CNTN3: variants seen among roughly 807,000 people sequenced by gnomAD.
CNTN3 encodes the protein contactin-3.
In CNTN3, 60 loss-of-function variants were observed where a neutral mutation model predicts 119.1. The observed-to-expected ratio is 0.50, with a 90% CI of 0.41 to 0.62. The LOEUF is 0.62. Ranked by LOEUF, CNTN3 falls within the 20% of genes least tolerant of loss-of-function variation. The pLI, the probability that CNTN3 is intolerant of heterozygous loss-of-function variation, is 0.00. For synonymous variants in CNTN3, 450 were observed against 438.7 expected (o/e 1.03, Z -0.32); for missense variants, 1,101 against 1,242.4 (o/e 0.89, Z 1.71).
At chr3:74,285,792 T>TAG (rs1390012289) in intron 19 of CNTN3, among the ~76,000 whole-genome samples, 15 of 23,714 alleles carry the variant, frequency 6.3e-4, no homozygotes, top group African/African-American at 3.3e-3. Flanking sequence ...GAAGGGGAGA[T>TAG]ATATATATAT....
chr3:74,443,907 A>C (rs746513843), intron 4 of CNTN3, among the ~76,000 whole-genome samples: 5 of 152,054 alleles, frequency 3.3e-5, no homozygotes, highest in Non-Finnish European at 5.9e-5. Flanking sequence ...TTAAAAAAAA[A>C]CAGAAATGTA....
chr3:74,278,455 A>C (rs1701926026), intron 20 of CNTN3, among the ~76,000 whole-genome samples: 1 of 152,152 alleles, frequency 6.6e-6, no homozygotes, highest in Non-Finnish European at 1.5e-5. Context: ...GTAAACCCAA[A>C]TACTTACAGC....
chr3:74,454,454 A>G (rs1213614896), intron 4 of CNTN3, among the ~76,000 whole-genome samples: 6 of 151,358 alleles, frequency 4.0e-5, no homozygotes, highest in African/African-American at 9.7e-5. Flanking sequence ...ATGGGTCTTG[A>G]CTCTTTATCC....
intron 1 of CNTN3, among the ~76,000 whole-genome samples, chr3:74,560,674 G>T (rs1274349897): frequency 2.0e-5 from 3 of 152,012 alleles, no homozygotes; most frequent in African/African-American, 7.2e-5. Context: ...CCATTACTGG[G>T]TATATACCCA....
At chr3:74,381,572 A>G (rs916835103) in intron 5 of CNTN3, among the ~76,000 whole-genome samples, 2 of 152,158 alleles carry the variant, frequency 1.3e-5, no homozygotes, top group African/African-American at 4.8e-5. Context: ...GTGATAGAAA[A>G]GAGTAATAAA....
chr3:74,603,244 A>C (rs1704940206), intron 1 of CNTN3, among the ~76,000 whole-genome samples: 1 of 152,178 alleles, frequency 6.6e-6, no homozygotes. Flanking sequence ...ACCTTGGCTG[A>C]GACAGTTCCC....
chr3:74,380,661 C>T (rs1704592768), intron 5 of CNTN3, among the ~76,000 whole-genome samples: 1 of 152,264 alleles, frequency 6.6e-6, no homozygotes, highest in Non-Finnish European at 1.5e-5. Context: ...TTTATCATTC[C>T]CACACCAACT....
At chr3:74,278,150 C>A (rs151263238) in intron 20 of CNTN3, among the ~76,000 whole-genome samples, 1 of 151,816 alleles carries the variant, frequency 6.6e-6, no homozygotes, top group Non-Finnish European at 1.5e-5. Context: ...CCCATGCTCA[C>A]GGATGGGTAG....
At chr3:74,370,731 C>T (rs563951515) in intron 6 of CNTN3, among the ~76,000 whole-genome samples, 2 of 152,220 alleles carry the variant, frequency 1.3e-5, no homozygotes, top group African/African-American at 4.8e-5. Flanking sequence ...CTTAAACAGC[C>T]ATCAAGGTGT....
Position 74,479,645 on chromosome 3 carries a change from G to A in CNTN3, c.358+6811C>T, listed in dbSNP as rs553977927. Among the ~76,000 whole-genome samples, 4 of 152,108 alleles carry A rather than the reference G, an allele frequency of 2.6e-5. No individual in the cohort carries two copies. The East Asian group carries it at 7.8e-4, about 29-fold the overall frequency. On this transcript the variant is annotated intron_variant, in intron 4 of 22. Transcript: ENST00000263665. ...GGAGGACATGACACCCTAAAACAAT[G>A]AACACCAAGAAAGACGAAGATGTGG...
chr3:74,479,726 A>G (rs1331851094), intron 4 of CNTN3, among the ~76,000 whole-genome samples: 3 of 151,970 alleles, frequency 2.0e-5, no homozygotes, highest in Non-Finnish European at 4.4e-5. Flanking sequence ...CATTAGAGTG[A>G]GTGATGGTGA....
At chr3:74,437,297 C>T (rs912364978) in intron 4 of CNTN3, among the ~76,000 whole-genome samples, 1 of 151,968 alleles carries the variant, frequency 6.6e-6, no homozygotes, top group African/African-American at 2.4e-5. Flanking sequence ...CCCGTCTCTA[C>T]TAAAAATACA....
intron 1 of CNTN3, among the ~76,000 whole-genome samples, chr3:74,613,270 T>C (rs970222570): frequency 1.7e-5 from 2 of 118,604 alleles, no homozygotes; most frequent in Admixed American, 1.7e-4. Context: ...GTCTTCCTAC[T>C]TTTTTTTTTT....
At chr3:74,364,267 C>A (rs189300309) in intron 10 of CNTN3, among the ~76,000 whole-genome samples, 200 bp downstream of exon 10, 8 of 152,208 alleles carry the variant, frequency 5.3e-5, no homozygotes, top group Admixed American at 2.6e-4. Context: ...CCTTGGTCCT[C>A]AATTCTGGCC....
intron 1 of CNTN3, among the ~76,000 whole-genome samples, chr3:74,543,734 T>C (rs994662528): frequency 2.6e-5 from 4 of 152,016 alleles, no homozygotes; most frequent in East Asian, 1.9e-4. Context: ...ATGAGCAATA[T>C]ATAGTCAAAC....
intron 11 of CNTN3, among the ~76,000 whole-genome samples, chr3:74,347,272 C>T (rs1172245146): frequency 1.3e-5 from 2 of 152,180 alleles, no homozygotes; most frequent in African/African-American, 4.8e-5. Context: ...ATCTCCATCT[C>T]GCTCTGTCAT....
intron 1 of CNTN3, among the ~76,000 whole-genome samples, chr3:74,541,630 G>A (rs1415616854): frequency 6.6e-6 from 1 of 152,130 alleles, no homozygotes; most frequent in Non-Finnish European, 1.5e-5. Context: ...TAAAGGCAAG[G>A]AAAGAGCCTC....
At chr3:74,387,637 A>G (rs1183019251) in intron 5 of CNTN3, among the ~76,000 whole-genome samples, 1 of 152,226 alleles carries the variant, frequency 6.6e-6, no homozygotes, top group Non-Finnish European at 1.5e-5. Context: ...TCTATTTCTA[A>G]CTTGCTATTT....
At chr3:74,597,089 G>C (rs6785957) in intron 1 of CNTN3, among the ~76,000 whole-genome samples, 32,602 of 151,822 alleles carry the variant, frequency 0.21, 5,388 homozygotes, top group African/African-American at 0.45. Flanking sequence ...TTAATGAGAG[G>C]GGGGAAGGAA....
Sources: gnomAD v4.1 joint callset for allele counts (sites outside exome capture counted in the v4.1 genomes callset) on GRCh38, gnomAD v4.1.1 for gene constraint, MANE v1.5 for transcripts, NCBI Gene and HGNC (gene_info 2026-07-23, HGNC 2026-07-21) for gene names.